LRIF1: variants seen among roughly 807,000 people sequenced by gnomAD.
LRIF1 encodes the protein ligand-dependent nuclear receptor-interacting factor 1.
In LRIF1, 32 loss-of-function variants were observed where a neutral mutation model predicts 52.7. The observed-to-expected ratio is 0.61, with a 90% confidence interval of 0.46 to 0.82. The LOEUF is 0.82. LRIF1 is among the 40% of genes least tolerant of loss of function. The probability of loss-of-function intolerance (pLI) is 0.00; values close to 1 mark genes in which losing one functional copy is unlikely to be tolerated. For missense variants in LRIF1, 887 were observed against 892.0 expected (o/e 0.99, Z 0.07); for synonymous variants, 323 against 317.4 (o/e 1.02, Z -0.19).
the LRIF1 span, among the ~76,000 whole-genome samples, chr1:110,922,809 G>GGA: frequency 1.3e-5 from 2 of 152,198 alleles, no homozygotes; most frequent in African/African-American, 4.8e-5. Flanking sequence ...TGTTCATTCT[G>GGA]CATGCATTAA....
At chr1:110,953,165 T>TCCTC (rs1166112689) in intron 1 of LRIF1, among the ~76,000 whole-genome samples, 1 of 152,114 alleles carries the variant, frequency 6.6e-6, no homozygotes, top group Non-Finnish European at 1.5e-5. Flanking sequence ...CTTCCTCTTG[T>TCCTC]CCTCCTCCTC....
At chr1:110,880,605 T>A in the LRIF1 span, among the ~76,000 whole-genome samples, 1 of 152,152 alleles carries the variant, frequency 6.6e-6, no homozygotes, top group African/African-American at 2.4e-5. Flanking sequence ...GAGTTAGTTA[T>A]TTTCCTATGT....
At chr1:110,950,525 A>G (rs1245801870) in intron 2 of LRIF1, among the ~76,000 whole-genome samples, 1 of 152,180 alleles carries the variant, frequency 6.6e-6, no homozygotes, top group East Asian at 1.9e-4. Context: ...CTGGAGTTCA[A>G]TGAATTCTGT....
At chr1:110,934,502 C>T in the LRIF1 span, among the ~76,000 whole-genome samples, 1 of 152,170 alleles carries the variant, frequency 6.6e-6, no homozygotes, top group African/African-American at 2.4e-5. Context: ...CAAGATTCAC[C>T]ACAGCTAACT....
At chr1:110,918,214 C>G in the LRIF1 span, among the ~76,000 whole-genome samples, 2 of 152,064 alleles carry the variant, frequency 1.3e-5, no homozygotes, top group Non-Finnish European at 2.9e-5. Flanking sequence ...GATGAGGTGC[C>G]GAACATTCCC....
the LRIF1 span, among the ~76,000 whole-genome samples, chr1:110,881,729 T>G: frequency 6.6e-6 from 1 of 152,196 alleles, no homozygotes. Context: ...CCACCAACAG[T>G]GTATAAGAGT....
At chr1:110,959,129 A>C (rs1557843423) in intron 1 of LRIF1, among the ~76,000 whole-genome samples, 1 of 152,172 alleles carries the variant, frequency 6.6e-6, no homozygotes, top group African/African-American at 2.4e-5. Context: ...TGGTCACCTA[A>C]TTACTTTAAA....
intron 1 of LRIF1, among the ~76,000 whole-genome samples, chr1:110,958,018 A>T (rs1459424274): frequency 6.6e-6 from 1 of 152,038 alleles, no homozygotes; most frequent in African/African-American, 2.4e-5. Flanking sequence ...TGTTTTTCTG[A>T]TTGCAGCCAC....
the LRIF1 span, among the ~76,000 whole-genome samples, chr1:110,911,653 C>T: frequency 6.6e-6 from 1 of 151,992 alleles, no homozygotes; most frequent in Admixed American, 6.6e-5. Flanking sequence ...GGTAATCTAC[C>T]AAACAATCAA....
At chr1:110,886,243 G>A in the LRIF1 span, among the ~76,000 whole-genome samples, 1 of 151,740 alleles carries the variant, frequency 6.6e-6, no homozygotes, top group Non-Finnish European at 1.5e-5. Context: ...TTGTTCCTTA[G>A]TCCATAACAT....
the LRIF1 span, among the ~76,000 whole-genome samples, chr1:110,891,092 G>A: frequency 6.6e-6 from 1 of 152,252 alleles, no homozygotes; most frequent in Non-Finnish European, 1.5e-5. Context: ...TAAAGCACTG[G>A]CCTGGTCTCT....
chr1:110,893,480 G>A, the LRIF1 span, among the ~76,000 whole-genome samples: 1 of 152,074 alleles, frequency 6.6e-6, no homozygotes, highest in African/African-American at 2.4e-5. Context: ...GCGCCACCAT[G>A]TCCGGCTAAT....
chr1:110,895,404 C>T, the LRIF1 span, among the ~76,000 whole-genome samples: 1 of 152,154 alleles, frequency 6.6e-6, no homozygotes, highest in Non-Finnish European at 1.5e-5. Context: ...ATTGAGTTCC[C>T]GAGTTGCCCA....
At chr1:110,915,736 C>T in the LRIF1 span, among the ~76,000 whole-genome samples, 2 of 152,150 alleles carry the variant, frequency 1.3e-5, no homozygotes, top group Admixed American at 1.3e-4. Context: ...TACACAAGGC[C>T]AGTGTTTCTT....
chr1:110,913,880 T>A, the LRIF1 span, among the ~76,000 whole-genome samples: 1 of 152,078 alleles, frequency 6.6e-6, no homozygotes, highest in African/African-American at 2.4e-5. Context: ...AGCAAAGACA[T>A]GGAATCAACC....
At chr1:110,877,350 C>T in the LRIF1 span, among the ~76,000 whole-genome samples, 1 of 152,292 alleles carries the variant, frequency 6.6e-6, no homozygotes, top group Middle Eastern at 3.4e-3. Context: ...TGAGCATAGC[C>T]AGCCTGCAGA....
the LRIF1 span, among the ~76,000 whole-genome samples, chr1:110,895,462 G>A: frequency 1.1e-4 from 16 of 152,130 alleles, no homozygotes; most frequent in Non-Finnish European, 1.8e-4. Context: ...CTCATGTGCT[G>A]TTTCCACCCA....
chr1:110,886,867 A>ATTTTT, the LRIF1 span, among the ~76,000 whole-genome samples: 5,307 of 41,024 alleles, frequency 0.13, 164 homozygotes, highest in Non-Finnish European at 0.17. Context: ...ATATATATAT[A>ATTTTT]TATTTTTTTT....
the LRIF1 span, among the ~76,000 whole-genome samples, chr1:110,928,855 A>C: frequency 9.2e-5 from 14 of 152,154 alleles, no homozygotes; most frequent in Non-Finnish European, 1.6e-4. Context: ...AGATGGGGAA[A>C]ATTAATGTAG....
Sources: gnomAD v4.1 joint callset for allele counts (sites outside exome capture counted in the v4.1 genomes callset) on GRCh38, gnomAD v4.1.1 for gene constraint, MANE v1.5 for transcripts, NCBI Gene and HGNC (gene_info 2026-07-23, HGNC 2026-07-21) for gene names.